ZNF724: variants seen among roughly 807,000 people sequenced by gnomAD.
ZNF724 encodes the protein zinc finger protein 724.
Under a neutral mutation model 29.3 loss-of-function variants are expected in ZNF724, and 14 were observed. The observed-to-expected ratio is 0.48, with a 90% CI of 0.32 to 0.75. The LOEUF (loss-of-function observed/expected upper bound fraction) is 0.75. Ranked by LOEUF, ZNF724 falls within the 30% of genes least tolerant of loss-of-function variation. ZNF724 has a pLI of 0.04. For missense variants in ZNF724, 557 were observed against 571.2 expected, an observed-to-expected ratio of 0.98 and a Z score of 0.25; for synonymous variants, 180 against 193.6, an observed-to-expected ratio of 0.93 and a Z score of 0.58.
chr19:23,222,392 T>C lies in ZNF724; in HGVS notation c.1853A>G (p.Asp618Gly). The C allele has an allele frequency of 8.8e-7, 1 of 1,133,916 alleles. No homozygotes were observed. The highest frequency in any genetic ancestry group is 1.8e-5 in the Admixed American group (1 of 54,558). 70.2% of individuals were successfully genotyped at this position (1,133,916 alleles called of 1,614,324 possible). Residue 618 changes from aspartate to glycine, a missense_variant, in exon 4 of 4, where the codon GAC becomes GGC. Asp to Gly is a moderately conservative substitution (Grantham distance 94, BLOSUM62 -1). This residue lies in a region of ZNF724 where 170 missense variants were observed against 220.7 expected (regional missense o/e 0.77). Transcript: ENST00000418100. Reference protein sequence around the residue: ...HKKIHAVEKSDK With the variant: ...HKKIHAVEKSGK ...ACGCCTGGTCCATTTTTCTTATTTG[T>C]CAGATTTTTCTACAGCATGAATTTT... is the stretch of plus-strand genomic sequence containing the variant.
intron 1 of ZNF724, among the ~76,000 whole-genome samples, chr19:23,243,098 T>C (rs1384282908): frequency 6.7e-6 from 1 of 149,324 alleles, no homozygotes; most frequent in Non-Finnish European, 1.5e-5. Context: ...GTAAATATCA[T>C]GGAATACTGT....
Position 23,222,180 on chromosome 19 carries a change from A to G in ZNF724, c.*205T>C, listed in dbSNP as rs1372214907. 2.2e-5 allele frequency: 11 copies of G among 498,214 alleles called. No individual in the cohort carries two copies. The highest frequency in any genetic ancestry group is 3.9e-5 in the Non-Finnish European group (11 of 283,932). The allele number at this position is 498,214 out of a possible 1,614,324, so 30.9% of individuals were successfully genotyped here. A position where few individuals can be genotyped will look rare whatever the true frequency, so the allele number is the denominator to read the frequency against. On this transcript the variant is annotated 3_prime_UTR_variant, in exon 4 of 4. Transcript: ENST00000418100. The stretch of plus-strand genomic sequence containing the variant: ...CTCTACTATATTTTACCTACAATCA[A>G]GTATGACAACCATTTAAAGGTGTTT...
intron 1 of ZNF724, among the ~76,000 whole-genome samples, chr19:23,248,467 C>A (rs1055701422): frequency 4.0e-5 from 6 of 151,676 alleles, no homozygotes; most frequent in African/African-American, 1.2e-4. Context: ...GTAAAAAATG[C>A]GGGGAAAATC....
chr19:23,240,667 C>A (rs1972105157), intron 1 of ZNF724, among the ~76,000 whole-genome samples: 1 of 147,282 alleles, frequency 6.8e-6, no homozygotes, highest in African/African-American at 2.5e-5. Flanking sequence ...TTGCGGTAAT[C>A]TGAGATCATT....
At chr19:23,246,724 C>G (rs1272334894) in intron 1 of ZNF724, among the ~76,000 whole-genome samples, 1 of 151,832 alleles carries the variant, frequency 6.6e-6, no homozygotes, top group African/African-American at 2.4e-5. Context: ...CAGAGATATT[C>G]ACTCTCAGAA....
intron 1 of ZNF724, among the ~76,000 whole-genome samples, chr19:23,243,887 C>T (rs906359478): frequency 1.3e-5 from 2 of 149,240 alleles, no homozygotes; most frequent in Non-Finnish European, 3.0e-5. Context: ...CATACCATTG[C>T]ACTCCAGCCT....
At chr19:23,236,641 G>GA (rs1972025061) in intron 1 of ZNF724, 1 of 152,140 alleles carries the variant, frequency 6.6e-6, no homozygotes, top group African/African-American at 2.4e-5. Context: ...ATGTTGGCCA[G>GA]AAAATGTTCC....
intron 3 of ZNF724, among the ~76,000 whole-genome samples, chr19:23,230,086 ATAAACT>A (rs1247079597): frequency 2.6e-5 from 4 of 152,198 alleles, no homozygotes; most frequent in Non-Finnish European, 5.9e-5. Context: ...ATACGGTTCC[ATAAACT>A]TAAACTATCT....
chr19:23,248,692 A>T (rs1972288483), intron 1 of ZNF724, among the ~76,000 whole-genome samples: 1 of 152,054 alleles, frequency 6.6e-6, no homozygotes, highest in Non-Finnish European at 1.5e-5. Flanking sequence ...TGTACGTTCA[A>T]GGTGGAAAAT....
chr19:23,222,783 T>TAA lies in ZNF724; in HGVS notation c.1460_1461dup (p.Asn488LeufsTer40). 7.1e-7 allele frequency: 1 copy of TAA among 1,411,528 alleles called. No individual in the cohort carries two copies. The highest frequency in any genetic ancestry group is 2.3e-5 in the East Asian group (1 of 42,620). 87.4% of individuals were successfully genotyped at this position (1,411,528 alleles called of 1,614,324 possible). A position where few individuals can be genotyped will look rare whatever the true frequency, so the allele number is the denominator to read the frequency against. On this transcript the variant is annotated frameshift_variant, in exon 4 of 4. Coordinates refer to ENST00000418100, the MANE Select transcript of ZNF724 (RefSeq NM_001355404.2). LOFTEE classifies it high-confidence loss of function. ...TGTGTTGTAAGGTGTGAGGATAGGTTAAAAGCTTTGCCACATTCTTCACAT... is the reference window on the plus strand; with the variant it reads ...TGTGTTGTAAGGTGTGAGGATAGGTTAAAAAAGCTTTGCCACATTCTTCACAT...
chr19:23,232,119 C>T lies in ZNF724; in HGVS notation c.130+48G>A, dbSNP rs373457629. 447 of 1,227,636 alleles carry T rather than the reference C, an allele frequency of 3.6e-4. 6 individuals are homozygous for T. The South Asian group carries it at 4.5e-3, about 12-fold the overall frequency. 76.0% of individuals were successfully genotyped at this position (1,227,636 alleles called of 1,614,324 possible). ...AAAAAACATCCTACAAAAAAACAAA[C>T]GAAATATTTAGGGTAGATTAGGAAT... On this transcript the variant is annotated intron_variant, in intron 2 of 3. Transcript: ENST00000418100.
chr19:23,239,096 G>A (rs1972072394), intron 1 of ZNF724, among the ~76,000 whole-genome samples: 1 of 152,166 alleles, frequency 6.6e-6, no homozygotes. Context: ...GGAGAGCTAT[G>A]AAGAGAGTTG....
intron 1 of ZNF724, among the ~76,000 whole-genome samples, chr19:23,246,740 C>A (rs961727739): frequency 6.6e-6 from 1 of 152,072 alleles, no homozygotes; most frequent in African/African-American, 2.4e-5. Flanking sequence ...CAGAAATTTA[C>A]CCTGCAATAA....
intron 1 of ZNF724, among the ~76,000 whole-genome samples, chr19:23,249,154 T>G (rs572092112): frequency 6.6e-6 from 1 of 151,964 alleles, no homozygotes; most frequent in South Asian, 2.1e-4. Context: ...GCCCCTCTTA[T>G]AAACCAAAAA....
rs137934780 is a variant in ZNF724 at position 23,222,027 on chromosome 19, G to C, written c.*358C>G. On this transcript the variant is annotated 3_prime_UTR_variant, in exon 4 of 4. Coordinates refer to ENST00000418100, the MANE Select transcript of ZNF724 (RefSeq NM_001355404.2). ...TCTGATATTGAATAAGATGTGAACAGATATTAATGGCTTCTTCACATTCTT... is the reference window on the plus strand; with the variant it reads ...TCTGATATTGAATAAGATGTGAACACATATTAATGGCTTCTTCACATTCTT... The C allele has an allele frequency of 4.1e-5, 9 of 220,918 alleles. No individual in the cohort carries two copies. Among genetic ancestry groups the C allele is most frequent in the Non-Finnish European group, 3.6e-5 (4 of 111,996 alleles). 13.7% of individuals were successfully genotyped at this position (220,918 alleles called of 1,614,324 possible).
At position 23,223,082 on chromosome 19, in the gene ZNF724, T is replaced by C. The variant is rs1205358462; in HGVS notation, c.1163A>G (p.His388Arg). ...ACATTTGTATGGTTTTTCTCCAGTA[T>C]GAATTCTCTTATGTTGAGTAAGAGT... is the stretch of plus-strand genomic sequence containing the variant. ...SSTLTQHKRI[H>R]TGEKPYKCEE... The change falls in exon 4 of 4, where the codon CAT (histidine) becomes CGT (arginine). Residue 388 changes from histidine (H) to arginine (R), a missense_variant. His to Arg is a conservative substitution (Grantham distance 29). This residue lies in a region of ZNF724 where 362 missense variants were observed against 295.5 expected (regional missense o/e 1.22). Coordinates refer to ENST00000418100, the MANE Select transcript of ZNF724 (RefSeq NM_001355404.2). 1 of 1,273,302 alleles carries C rather than the reference T, an allele frequency of 7.9e-7. No individual in the cohort carries two copies. The highest frequency in any genetic ancestry group is 1.5e-5 in the African/African-American group (1 of 68,424). The allele number at this position is 1,273,302 out of a possible 1,614,324, so 78.9% of individuals were successfully genotyped here.
Position 23,240,281 on chromosome 19 carries a change from C to CA in ZNF724, c.4-7989dup, listed in dbSNP as rs34902602. 9.2e-4 allele frequency among the ~76,000 whole-genome samples: 109 copies of CA among 118,638 alleles called. 1 individual carries two copies. The highest frequency in any genetic ancestry group is 1.7e-3 in the East Asian group (7 of 4,008). 77.8% of individuals were successfully genotyped at this position (118,638 alleles called of 152,430 possible). A position where few individuals can be genotyped will look rare whatever the true frequency, so the allele number is the denominator to read the frequency against. Reference sequence around the variant, plus strand: ...CCTGGGCAACAGAGCGAGACTCTGTCAAAAAAAAAAAAAAAAAAAGATAAG... The same window carrying CA: ...CCTGGGCAACAGAGCGAGACTCTGTCAAAAAAAAAAAAAAAAAAAAGATAAG... On this transcript the variant is annotated intron_variant, in intron 1 of 3. Coordinates refer to ENST00000418100, the MANE Select transcript of ZNF724 (RefSeq NM_001355404.2).
intron 1 of ZNF724, among the ~76,000 whole-genome samples, chr19:23,244,101 G>A (rs997422159): frequency 6.0e-5 from 9 of 150,756 alleles, no homozygotes; most frequent in East Asian, 1.9e-4. Flanking sequence ...GAAAAAACTC[G>A]ACGGGTGGGG....
At position 23,223,535 on chromosome 19, in the gene ZNF724, TTGTTA is replaced by T; in HGVS notation, c.705_709del (p.Phe235LeufsTer6). 1.4e-6 allele frequency: 1 copy of T among 738,990 alleles called. No individual in the cohort carries two copies. Among genetic ancestry groups the T allele is most frequent in the Non-Finnish European group, 2.5e-6 (1 of 397,848 alleles). 45.8% of individuals were successfully genotyped at this position (738,990 alleles called of 1,614,324 possible). On this transcript the variant is annotated frameshift_variant, in exon 4 of 4. Coordinates refer to ENST00000418100, the MANE Select transcript of ZNF724 (RefSeq NM_001355404.2). LOFTEE classifies it low-confidence loss of function (END_TRUNC). ...CTTATGTGTGTTAAGGTGTGAGGAC[TTGTTA>T]AAGGCTATGCCACATTCTTCACATT...
Sources: gnomAD v4.1 joint callset for allele counts (sites outside exome capture counted in the v4.1 genomes callset) on GRCh38, gnomAD v4.1.1 for gene constraint, gnomAD v4.1.1 regional missense constraint, MANE v1.5 for transcripts, NCBI Gene and HGNC (gene_info 2026-07-23, HGNC 2026-07-21) for gene names.